UPB1: variants seen among roughly 807,000 people sequenced by gnomAD.
UPB1 encodes beta-ureidopropionase 1.
In UPB1, 40 loss-of-function variants were observed where a neutral mutation model predicts 49.1. The ratio of observed to expected loss-of-function variants is 0.81; its 90% confidence interval spans 0.63 to 1.06. UPB1 has a LOEUF of 1.06. Ranked by LOEUF, UPB1 falls within the 50% of genes least tolerant of loss-of-function variation. The pLI is 0.00. For missense variants in UPB1, 499 were observed against 505.9 expected (o/e 0.99, Z 0.13); for synonymous variants, 207 against 198.2 (o/e 1.04, Z -0.38).
At chr22:24,525,572 C>A in intron 9 of UPB1, 139 bp from the exon 10 acceptor site, 1 of 954,202 alleles carries the variant, frequency 1.0e-6, no homozygotes, top group Non-Finnish European at 1.7e-6. Flanking sequence ...AGAATCAGTG[C>A]CAAGAGGTCA....
chr22:24,509,391 A>AAAAAAAAAAC (rs2044153878), intron 3 of UPB1, among the ~76,000 whole-genome samples: 1 of 141,216 alleles, frequency 7.1e-6, no homozygotes, highest in Non-Finnish European at 1.5e-5. Flanking sequence ...AAAAAAAAAA[A>AAAAAAAAAAC]AAAAAGCAAA....
At position 24,525,779 on chromosome 22, in the gene UPB1, C is replaced by T; in HGVS notation, c.1140C>T (p.Thr380=). Residue 380 remains threonine, a synonymous_variant, in exon 10 of 10, where the codon ACC becomes ACT. Coordinates refer to ENST00000326010, the MANE Select transcript of UPB1 (RefSeq NM_016327.3). ...AEAVKSNYSP[T]IVKE ...CTGTCAAGTCCAACTACAGCCCCACCATCGTGAAAGAGTAGCCGGCTTCAG... is the reference window on the plus strand; with the variant it reads ...CTGTCAAGTCCAACTACAGCCCCACTATCGTGAAAGAGTAGCCGGCTTCAG... The T allele has an allele frequency of 3.1e-6, 5 of 1,614,194 alleles. No homozygotes were observed. The highest frequency in any genetic ancestry group is 3.4e-6 in the Non-Finnish European group (4 of 1,180,032).
Position 24,498,955 on chromosome 22 carries a change from C to T in UPB1, c.105-1152C>T, listed in dbSNP as rs78407377. ...CCACCAGAGGGGATTTGCTCTGAGG[C>T]TGTGGCCTGCAGGAGCGCCCTTCCG... On this transcript the variant is annotated intron_variant, in intron 1 of 9. Transcript: ENST00000326010. Among the ~76,000 whole-genome samples the T allele has an allele frequency of 5.7e-3, 869 of 152,296 alleles. 7 individuals are homozygous for T. Among genetic ancestry groups the T allele is most frequent in the African/African-American group, 0.02 (826 of 41,552 alleles).
In UPB1 at chr22:24,510,835, T is replaced by C. The variant is rs761955736; in HGVS notation, c.451T>C (p.Cys151Arg). 1.2e-6 allele frequency: 2 copies of C among 1,614,226 alleles called. No individual in the cohort carries two copies. Among genetic ancestry groups the C allele is most frequent in the South Asian group, 2.2e-5 (2 of 91,082 alleles). The change falls in exon 4 of 10, where the codon TGT becomes CGT. Residue 151 changes from cysteine to arginine, a missense_variant. Coordinates refer to ENST00000326010, the MANE Select transcript of UPB1 (RefSeq NM_016327.3). ...AGAGGATGGGCCCACCACCAGATTC[T>C]GTCAGAAGGTAGGACATTAACGGTG... The part of the protein sequence containing the change: ...SAEDGPTTRF[C>R]QKLAKNHDMV...
At position 24,509,361 on chromosome 22, in the gene UPB1, GAAAAAAAAAAAAAA is replaced by G. The variant is rs202081655; in HGVS notation, c.365-1366_365-1353del. The stretch of plus-strand genomic sequence containing the variant: ...ATCTGTGTGTATGTACCTACTGTTT[GAAAAAAAAAAAAAA>G]AAAAAAAAAAAAAAAAAAAAAGCAA... On this transcript the variant is annotated intron_variant, in intron 3 of 9. Transcript: ENST00000326010. Among the ~76,000 whole-genome samples the G allele has an allele frequency of 6.0e-3, 550 of 92,128 alleles. 3 individuals are homozygous for G. Among genetic ancestry groups the G allele is most frequent in the Non-Finnish European group, 7.4e-3 (367 of 49,754 alleles). 60.4% of individuals were successfully genotyped at this position (92,128 alleles called of 152,430 possible). A position where few individuals can be genotyped will look rare whatever the true frequency, so the allele number is the denominator to read the frequency against.
At chr22:24,505,038 G>A (rs762159988) in intron 3 of UPB1, among the ~76,000 whole-genome samples, 49 of 151,546 alleles carry the variant, frequency 3.2e-4, no homozygotes, top group East Asian at 1.9e-4. Context: ...ACAGGGCCCA[G>A]TCACCACTTT....
chr22:24,516,877 A>T (rs555783543), intron 6 of UPB1: 1 of 152,150 alleles, frequency 6.6e-6, no homozygotes, highest in Non-Finnish European at 1.5e-5. Context: ...GGCGCCCGCC[A>T]CCATACCTGG....
In UPB1 at chr22:24,495,393, G is replaced by A. The variant is rs541169952; in HGVS notation, c.-11G>A. On this transcript the variant is annotated 5_prime_UTR_variant, in exon 1 of 10. Coordinates refer to ENST00000326010, the MANE Select transcript of UPB1 (RefSeq NM_016327.3). ...TTCGTGCGCGGACACAAGCACTGGC[G>A]GACCGTGGCCATGGCGGGCGCTGAG... 127 of 1,612,628 alleles carry A rather than the reference G, an allele frequency of 7.9e-5. 1 individual carries two copies. The Middle Eastern group carries it at 1.3e-3, about 17-fold the overall frequency.
Position 24,510,782 on chromosome 22 carries a change from T to G in UPB1, c.398T>G (p.Leu133Arg), listed in dbSNP as rs1490547109. The change falls in exon 4 of 10, where the codon CTT becomes CGT. Residue 133 changes from leucine to arginine, a missense_variant. Physicochemically the swap from Leu to Arg is moderately radical, Grantham distance 102 (BLOSUM62 -2). Transcript: ENST00000326010. ...TTTGCCTTCTGTACGAGAGAGAAGC[T>G]TCCTTGGACAGAATTTGCTGAGTCA... is the stretch of plus-strand genomic sequence containing the variant. ...MPFAFCTREK[L>R]PWTEFAESAE... 2.2e-5 allele frequency: 35 copies of G among 1,614,064 alleles called. No individual in the cohort carries two copies. The highest frequency in any genetic ancestry group is 2.8e-5 in the Non-Finnish European group (33 of 1,180,038).
intron 1 of UPB1, 74 bp downstream of exon 1, chr22:24,495,581 G>A: frequency 6.5e-7 from 1 of 1,539,786 alleles, no homozygotes; most frequent in Admixed American, 1.7e-5. Context: ...AGGCAGGGAG[G>A]GCCTCAGGGT....
chr22:24,512,982 T>G (rs1043685066), intron 4 of UPB1, among the ~76,000 whole-genome samples: 2 of 152,256 alleles, frequency 1.3e-5, no homozygotes, highest in Non-Finnish European at 2.9e-5. Flanking sequence ...AATGCTGCAA[T>G]GAATATGCGT....
At chr22:24,502,702 G>C in intron 3 of UPB1, 1 of 589,646 alleles carries the variant, frequency 1.7e-6, no homozygotes, top group Non-Finnish European at 3.0e-6. Flanking sequence ...ATTATCCCCA[G>C]CATCAACACT....
At chr22:24,518,021 C>G (rs1429420799) in intron 6 of UPB1, 1 of 152,164 alleles carries the variant, frequency 6.6e-6, no homozygotes, top group Non-Finnish European at 1.5e-5. Flanking sequence ...AAAAATTAGC[C>G]GGGCATGGTG....
chr22:24,513,310 T>C lies in UPB1; in HGVS notation c.460-14T>C. On this transcript the variant is annotated splice_polypyrimidine_tract_variant and intron_variant, in intron 4 of 9. Transcript: ENST00000326010. ...TTTATAAGTGGGACTCTGCCATATT[T>C]ATCATTTTTCCAGCTGGCGAAGAAC... 1 of 1,614,196 alleles carries C rather than the reference T, an allele frequency of 6.2e-7. No homozygotes were observed. The highest frequency in any genetic ancestry group is 1.1e-5 in the South Asian group (1 of 91,076).
rs1482076382 is a variant in UPB1, at chr22:24,521,967, C to A, written c.874-19C>A. On this transcript the variant is annotated intron_variant, in intron 7 of 9. Coordinates refer to ENST00000326010, the MANE Select transcript of UPB1 (RefSeq NM_016327.3). ...TAGTGCCACCTATAGGTTCCTCTTA[C>A]CTTGGTCTTATTTCACAGGAGCACT... 3 of 1,613,892 alleles carry A rather than the reference C, an allele frequency of 1.9e-6. No homozygotes were observed. The highest frequency in any genetic ancestry group is 2.5e-6 in the Non-Finnish European group (3 of 1,179,954).
chr22:24,509,862 C>G (rs983899065), intron 3 of UPB1, among the ~76,000 whole-genome samples: 11 of 152,224 alleles, frequency 7.2e-5, no homozygotes, highest in African/African-American at 2.4e-4. Flanking sequence ...TTGGACACCT[C>G]TACCCATTAA....
intron 3 of UPB1, 109 bp downstream of exon 3, chr22:24,502,322 C>A: frequency 8.1e-7 from 1 of 1,239,898 alleles, no homozygotes; most frequent in Non-Finnish European, 1.2e-6. Flanking sequence ...CCTTTGTTTC[C>A]TCATCCATGG....
At chr22:24,521,179 C>CA (rs34276962) in intron 7 of UPB1, among the ~76,000 whole-genome samples, 12,588 of 62,262 alleles carry the variant, frequency 0.2, 1,186 homozygotes, top group Non-Finnish European at 0.23. Context: ...GAGACTCTGT[C>CA]AAAAAAAAAA....
chr22:24,498,297 G>A (rs1482132904), intron 1 of UPB1, among the ~76,000 whole-genome samples: 2 of 152,188 alleles, frequency 1.3e-5, no homozygotes, highest in African/African-American at 4.8e-5. Flanking sequence ...CTGTCTCAGT[G>A]TTCCACTGCA....
Sources: allele counts gnomAD v4.1 joint callset (sites outside exome capture counted in the v4.1 genomes callset), GRCh38; gene constraint gnomAD v4.1.1; transcripts MANE v1.5; gene names NCBI Gene and HGNC (gene_info 2026-07-23, HGNC 2026-07-21).